TTC38: variants seen among roughly 807,000 people sequenced by gnomAD.
The protein encoded by TTC38 is tetratricopeptide repeat protein 38.
In TTC38, 64 loss-of-function variants were observed where a neutral mutation model predicts 64.2. The ratio of observed to expected loss-of-function variants is 1.00; its 90% CI spans 0.81 to 1.23. TTC38 has a LOEUF of 1.23. Ranked by LOEUF, TTC38 falls within the 50% of genes most tolerant of loss-of-function variation. The probability of loss-of-function intolerance (pLI) is 0.00; values close to 1 mark genes in which losing one functional copy is unlikely to be tolerated. For missense variants in TTC38, 573 were observed against 615.5 expected, an observed-to-expected ratio of 0.93 and a Z score of 0.73; for synonymous variants, 254 against 249.3, an observed-to-expected ratio of 1.02 and a Z score of -0.18.
chr22:46,284,593 AG>A (rs2147797555), intron 8 of TTC38, among the ~76,000 whole-genome samples: 1 of 152,296 alleles, frequency 6.6e-6, no homozygotes, highest in East Asian at 1.9e-4. Flanking sequence ...GAAAAGAAAA[AG>A]GCAGCTGGGC....
chr22:46,289,461 A>G lies in TTC38; in HGVS notation c.1142A>G (p.Gln381Arg), dbSNP rs779112022. ...LARDVGLPLCQALVEAEDGNP... is the reference protein window; with the variant it reads ...LARDVGLPLCRALVEAEDGNP... ...CGAGACGTGGGGCTGCCCCTGTGCC[A>G]GGCCCTGGTGGAGGCTGAGGACGGG... Residue 381 changes from glutamine (Q) to arginine (R), a missense_variant, in exon 12 of 14, where the codon CAG (glutamine) becomes CGG (arginine). By Grantham distance (43) the Gln-to-Arg change is conservative (BLOSUM62 1). Around this residue, in one of 3 missense-constraint regions of TTC38, gnomAD observed 371 missense variants for 381.8 expected, o/e 0.97. Transcript: ENST00000381031. 1.7e-5 allele frequency: 27 copies of G among 1,609,522 alleles called. No homozygotes were observed. In the Admixed American group the frequency reaches 1.8e-4, roughly 11 times the overall value.
chr22:46,282,807 C>T lies in TTC38; in HGVS notation c.735+1089C>T, dbSNP rs573072676. ...GAGCCCAGCACAGGTCCTACTTTAA[C>T]ACTGCTTCATACTGAGGGCAGCCTA... On this transcript the variant is annotated intron_variant, in intron 7 of 13. Coordinates refer to ENST00000381031, the MANE Select transcript of TTC38 (RefSeq NM_017931.4). This position sits in a 1 kb window ranked among gnomAD's most constrained non-coding sequence, Gnocchi z 4.4. Among the ~76,000 whole-genome samples the T allele has an allele frequency of 3.3e-5, 5 of 152,326 alleles. No individual in the cohort carries two copies. Among genetic ancestry groups the T allele is most frequent in the Admixed American group, 2.6e-4 (4 of 15,304 alleles).
rs374913349 is a variant in TTC38, at chr22:46,281,655, C to T, written c.672C>T (p.His224=). 251 of 1,614,002 alleles carry T rather than the reference C, an allele frequency of 1.6e-4. No homozygotes were observed. Among genetic ancestry groups the T allele is most frequent in the Middle Eastern group, 6.6e-4 (4 of 6,084 alleles). The change falls in exon 7 of 14, where the codon CAC becomes CAT. Residue 224 remains histidine, a synonymous_variant. Coordinates refer to ENST00000381031, the MANE Select transcript of TTC38 (RefSeq NM_017931.4). This position sits in a 1 kb window ranked among gnomAD's most constrained non-coding sequence, Gnocchi z 5.2. The stretch of plus-strand genomic sequence containing the variant: ...CGGTGCACACCGTCGCTCACATCCA[C>T]GAGATGAAAGCAGAGATCAAGGATG... ...AWSVHTVAHI[H]EMKAEIKDGL... is the part of the protein sequence containing the mutation.
At chr22:46,279,392 C>T (rs115320513) in intron 6 of TTC38, among the ~76,000 whole-genome samples, 81 of 152,318 alleles carry the variant, frequency 5.3e-4, no homozygotes, top group African/African-American at 1.9e-3. Context: ...GCTCTGCCCA[C>T]GTGATGTCCA....
intron 2 of TTC38, among the ~76,000 whole-genome samples, chr22:46,269,517 G>T (rs1249489623): frequency 6.6e-6 from 1 of 152,232 alleles, no homozygotes; most frequent in Non-Finnish European, 1.5e-5. Context: ...GGGCCTAACT[G>T]CACTGATAGA....
In TTC38 at chr22:46,271,370, A is replaced by G. The variant is rs2147784490; in HGVS notation, c.112-965A>G. On this transcript the variant is annotated intron_variant, in intron 2 of 13. Coordinates refer to ENST00000381031, the MANE Select transcript of TTC38 (RefSeq NM_017931.4). This position sits in a 1 kb window ranked among gnomAD's most constrained non-coding sequence, Gnocchi z 5.5. ...TGGGATTACAGGCGCCCACCACCACACCCGGCTGATTTTTTGTATCTTTAG... is the reference window on the plus strand; with the variant it reads ...TGGGATTACAGGCGCCCACCACCACGCCCGGCTGATTTTTTGTATCTTTAG... 6.6e-6 allele frequency among the ~76,000 whole-genome samples: 1 copy of G among 151,262 alleles called. No individual in the cohort carries two copies. Among genetic ancestry groups the G allele is most frequent in the Middle Eastern group, 3.4e-3 (1 of 294 alleles).
intron 6 of TTC38, among the ~76,000 whole-genome samples, chr22:46,280,906 T>A (rs2077529292): frequency 6.6e-6 from 1 of 152,250 alleles, no homozygotes; most frequent in Non-Finnish European, 1.5e-5. Flanking sequence ...GCTCTGACTG[T>A]GGCTGAGTAG....
chr22:46,285,513 C>T (rs561498534), intron 9 of TTC38, among the ~76,000 whole-genome samples: 1 of 152,242 alleles, frequency 6.6e-6, no homozygotes, highest in East Asian at 1.9e-4. Context: ...GATAGATTTA[C>T]ACATCTAAGG....
Position 46,289,529 on chromosome 22 carries a change from C to G in TTC38, c.1210C>G (p.Arg404Gly), listed in dbSNP as rs78692941. 4 of 1,603,626 alleles carry G rather than the reference C, an allele frequency of 2.5e-6. No homozygotes were observed. The Admixed American group carries it at 6.7e-5, about 27-fold the overall frequency. ...GGAGCTGCTCCTGCCCATCCGCTAC[C>G]GGATCGTCCAGCTCGGTGGGAGCAA... Reference protein sequence around the residue: ...VLELLLPIRYRIVQLGGSNAQ... With the variant: ...VLELLLPIRYGIVQLGGSNAQ... Residue 404 changes from arginine (R) to glycine (G), a missense_variant, in exon 12 of 14, where the codon CGG becomes GGG. Arg to Gly is a moderately radical substitution (Grantham distance 125, BLOSUM62 -2). Around this residue, in one of 3 missense-constraint regions of TTC38, gnomAD observed 371 missense variants for 381.8 expected, o/e 0.97. Coordinates refer to ENST00000381031, the MANE Select transcript of TTC38 (RefSeq NM_017931.4).
intron 9 of TTC38, among the ~76,000 whole-genome samples, chr22:46,286,449 T>A (rs2077572152): frequency 6.6e-6 from 1 of 151,904 alleles, no homozygotes; most frequent in South Asian, 2.1e-4. Flanking sequence ...TCACCTGAGG[T>A]CAGGAGTTCG....
Position 46,281,646 on chromosome 22 carries a change from T to C in TTC38, c.663T>C (p.Ala221=). ...ACGCATGGTCGGTGCACACCGTCGC[T>C]CACATCCACGAGATGAAAGCAGAGA... ...PTDAWSVHTV[A]HIHEMKAEIK... Residue 221 remains alanine (A), a synonymous_variant, in exon 7 of 14, where the codon GCT becomes GCC. Transcript: ENST00000381031. This position sits in a 1 kb window ranked among gnomAD's most constrained non-coding sequence, Gnocchi z 5.2. The C allele has an allele frequency of 1.9e-6, 3 of 1,614,138 alleles. No individual in the cohort carries two copies. Among genetic ancestry groups the C allele is most frequent in the Non-Finnish European group, 2.5e-6 (3 of 1,180,028 alleles).
chr22:46,292,895 C>A lies in TTC38; in HGVS notation c.*11C>A. On this transcript the variant is annotated 3_prime_UTR_variant, in exon 14 of 14. Coordinates refer to ENST00000381031, the MANE Select transcript of TTC38 (RefSeq NM_017931.4). This position sits in a 1 kb window ranked among gnomAD's most constrained non-coding sequence, Gnocchi z 6.5. ...CACCTCATGCAGTGAGCCAGCCTGG[C>A]CGCCTCCACCCTGCAGAACCTCAGT... is the stretch of plus-strand genomic sequence containing the variant. 6.2e-7 allele frequency: 1 copy of A among 1,605,780 alleles called. No individual in the cohort carries two copies. The highest frequency in any genetic ancestry group is 8.5e-7 in the Non-Finnish European group (1 of 1,173,110).
intron 5 of TTC38, among the ~76,000 whole-genome samples, chr22:46,277,780 G>T (rs1569018746): frequency 6.6e-6 from 1 of 152,180 alleles, no homozygotes; most frequent in Non-Finnish European, 1.5e-5. Flanking sequence ...TGCATTCCAG[G>T]CCGGGCAGGG....
chr22:46,290,101 A>T (rs912885912), intron 13 of TTC38, among the ~76,000 whole-genome samples: 1 of 151,912 alleles, frequency 6.6e-6, no homozygotes, highest in African/African-American at 2.4e-5. Context: ...CCCCAGGCCC[A>T]ACCTCCCACC....
Position 46,291,978 on chromosome 22 carries a change from C to A in TTC38, c.1317-813C>A, listed in dbSNP as rs2077619683. Among the ~76,000 whole-genome samples, 1 of 152,008 alleles carries A rather than the reference C, an allele frequency of 6.6e-6. No individual in the cohort carries two copies. Among genetic ancestry groups the A allele is most frequent in the Admixed American group, 6.6e-5 (1 of 15,248 alleles). Reference sequence around the variant, plus strand: ...CTCAAAAAATTAAAAAATAAAAGTGCCACAGTCTGGGCGGCTTGCACAGTA... The same window carrying A: ...CTCAAAAAATTAAAAAATAAAAGTGACACAGTCTGGGCGGCTTGCACAGTA... On this transcript the variant is annotated intron_variant, in intron 13 of 13. Coordinates refer to ENST00000381031, the MANE Select transcript of TTC38 (RefSeq NM_017931.4). The surrounding 1 kb of genome is among the most constrained non-coding windows in gnomAD (Gnocchi z 4.6).
In TTC38 at chr22:46,274,132, A is replaced by C; in HGVS notation, c.365+63A>C. 14 of 1,042,000 alleles carry C rather than the reference A, an allele frequency of 1.3e-5. No homozygotes were observed. Among genetic ancestry groups the C allele is most frequent in the African/African-American group, 1.6e-5 (1 of 61,200 alleles). 64.5% of individuals were successfully genotyped at this position (1,042,000 alleles called of 1,614,324 possible). On this transcript the variant is annotated intron_variant, in intron 4 of 13. Coordinates refer to ENST00000381031, the MANE Select transcript of TTC38 (RefSeq NM_017931.4). This position sits in a 1 kb window ranked among gnomAD's most constrained non-coding sequence, Gnocchi z 4.8. ...GGCTGAGCTGGGGGAGTGGCAGGGT[A>C]TCCCTTTCCTGATGCCCTTGGGACG... is the stretch of plus-strand genomic sequence containing the variant.
rs1255039901 is a variant in TTC38 at position 46,271,138 on chromosome 22, T to C, written c.112-1197T>C. Among the ~76,000 whole-genome samples the C allele has an allele frequency of 1.3e-5, 2 of 152,246 alleles. No individual in the cohort carries two copies. Among genetic ancestry groups the C allele is most frequent in the Non-Finnish European group, 2.9e-5 (2 of 68,038 alleles). On this transcript the variant is annotated intron_variant, in intron 2 of 13. Coordinates refer to ENST00000381031, the MANE Select transcript of TTC38 (RefSeq NM_017931.4). This position sits in a 1 kb window ranked among gnomAD's most constrained non-coding sequence, Gnocchi z 5.5. ...AAAACGAATGAATAAGAAGCAGGAA[T>C]ATTCCTATCGTGACCAACTTCAGGG...
In TTC38 at chr22:46,293,029, G is replaced by T; in HGVS notation, c.*145G>T. 1.6e-6 allele frequency: 1 copy of T among 607,908 alleles called. No homozygotes were observed. Among genetic ancestry groups the T allele is most frequent in the Non-Finnish European group, 3.0e-6 (1 of 338,632 alleles). 37.7% of individuals were successfully genotyped at this position (607,908 alleles called of 1,614,324 possible). A position where few individuals can be genotyped will look rare whatever the true frequency, so the allele number is the denominator to read the frequency against. On this transcript the variant is annotated 3_prime_UTR_variant, in exon 14 of 14. Transcript: ENST00000381031. This position sits in a 1 kb window ranked among gnomAD's most constrained non-coding sequence, Gnocchi z 6.6. ...GGTGATCTTCAGTTTTACAGGAAGT[G>T]GGTCACGGGTTAATTTTAAATGTGA... is the stretch of plus-strand genomic sequence containing the variant.
In TTC38 at chr22:46,270,072, G is replaced by T. The variant is rs1350565107; in HGVS notation, c.111+1481G>T. On this transcript the variant is annotated intron_variant, in intron 2 of 13. Transcript: ENST00000381031. This position sits in a 1 kb window ranked among gnomAD's most constrained non-coding sequence, Gnocchi z 4.7. ...CTCTCAAAGTGCTGGGATTACAGGC[G>T]TGAGCCACTGTGCCCGGCCCCTAGT... is the stretch of plus-strand genomic sequence containing the variant. Among the ~76,000 whole-genome samples, 1 of 152,128 alleles carries T rather than the reference G, an allele frequency of 6.6e-6. No homozygotes were observed. Among genetic ancestry groups the T allele is most frequent in the Non-Finnish European group, 1.5e-5 (1 of 68,014 alleles).
Sources: allele counts gnomAD v4.1 joint callset (sites outside exome capture counted in the v4.1 genomes callset), GRCh38; gene constraint gnomAD v4.1.1; regional missense constraint gnomAD v4.1.1; non-coding constraint Gnocchi (gnomAD v3.1); transcripts MANE v1.5; gene names NCBI Gene and HGNC (gene_info 2026-07-23, HGNC 2026-07-21).